Variants in EPM2A observed in about 807,000 individuals in gnomAD.
EPM2A encodes the protein EPM2A glucan phosphatase, laforin, also known as laforin.
Under a neutral mutation model 26.5 loss-of-function variants are expected in EPM2A, and 21 were observed. The observed-to-expected ratio is 0.79, with a 90% CI of 0.56 to 1.14. The LOEUF (loss-of-function observed/expected upper bound fraction) is 1.14. Among genes scored for constraint, EPM2A ranks in the 50% most tolerant of loss-of-function variants. The pLI is 0.00. For synonymous variants in EPM2A, 217 were observed against 177.6 expected (o/e 1.22, Z -1.76); for missense variants, 458 against 440.8 (o/e 1.04, Z -0.35).
At chr6:145,733,508 C>T (rs1335175890) in intron 1 of EPM2A, among the ~76,000 whole-genome samples, 1 of 151,920 alleles carries the variant, frequency 6.6e-6, no homozygotes, top group Non-Finnish European at 1.5e-5. Flanking sequence ...TAAGAAATAG[C>T]AACATAAGCA....
At chr6:145,515,214 T>C (rs1780108735) in intron 2 of EPM2A, among the ~76,000 whole-genome samples, 1 of 152,160 alleles carries the variant, frequency 6.6e-6, no homozygotes, top group Admixed American at 6.5e-5. Context: ...CAACTTATCA[T>C]GACGTCTCTA....
chr6:145,524,451 C>T (rs918824971), intron 2 of EPM2A, among the ~76,000 whole-genome samples: 4 of 151,818 alleles, frequency 2.6e-5, no homozygotes, highest in Non-Finnish European at 4.4e-5. Context: ...CATTTTTCAC[C>T]TTTTTATGAC....
intron 2 of EPM2A, among the ~76,000 whole-genome samples, chr6:145,512,215 C>T (rs981081567): frequency 6.6e-6 from 1 of 152,014 alleles, no homozygotes; most frequent in African/African-American, 2.4e-5. Context: ...TGTCAAATTA[C>T]CAATCTCATT....
chr6:145,621,514 T>C (rs1308413247), downstream of EPM2A, among the ~76,000 whole-genome samples: 3 of 152,234 alleles, frequency 2.0e-5, no homozygotes, highest in Non-Finnish European at 4.4e-5. Flanking sequence ...GAAAACTCCA[T>C]ATTGTTTTCC....
intron 1 of EPM2A, among the ~76,000 whole-genome samples, chr6:145,710,628 C>T (rs1478185861): frequency 6.6e-6 from 1 of 152,090 alleles, no homozygotes; most frequent in Admixed American, 6.6e-5. Context: ...TGGGTATATA[C>T]CCAAAGGATT....
At chr6:145,484,060 T>A (rs1410266600) in intron 4 of EPM2A, among the ~76,000 whole-genome samples, 2 of 152,178 alleles carry the variant, frequency 1.3e-5, no homozygotes, top group Non-Finnish European at 2.9e-5. Flanking sequence ...ATTCAGCTTT[T>A]AGATGAATAG....
At chr6:145,550,915 T>C (rs1443927232) in intron 2 of EPM2A, among the ~76,000 whole-genome samples, 3 of 152,024 alleles carry the variant, frequency 2.0e-5, no homozygotes, top group Admixed American at 6.6e-5. Flanking sequence ...CAGTAGGGTA[T>C]TAGTAGTTTC....
chr6:145,687,615 T>C (rs1321665300), intron 1 of EPM2A, among the ~76,000 whole-genome samples: 2 of 152,170 alleles, frequency 1.3e-5, no homozygotes, highest in Admixed American at 6.5e-5. Flanking sequence ...ATAAATCACA[T>C]TTGTTATGAA....
At chr6:145,622,829 T>C (rs1296930989), downstream of EPM2A, among the ~76,000 whole-genome samples, 1 of 152,230 alleles carries the variant, frequency 6.6e-6, no homozygotes, top group Non-Finnish European at 1.5e-5. Context: ...TCCTAGTCTG[T>C]GGTACATTAT....
At chr6:145,503,458 CAGAG>C (rs1779924499) in intron 2 of EPM2A, among the ~76,000 whole-genome samples, 1 of 110,676 alleles carries the variant, frequency 9.0e-6, no homozygotes, top group Non-Finnish European at 1.8e-5. Context: ...AACAGACAAA[CAGAG>C]AGACAAATCA....
chr6:145,657,328 T>A (rs1778372794), intron 2 of EPM2A, among the ~76,000 whole-genome samples: 1 of 152,074 alleles, frequency 6.6e-6, no homozygotes, highest in South Asian at 2.1e-4. Context: ...GACCTTGTGA[T>A]CCACCCACTT....
intron 2 of EPM2A, chr6:145,502,711 G>A: frequency 3.1e-6 from 1 of 322,398 alleles, no homozygotes; most frequent in Non-Finnish European, 6.4e-6. Context: ...AATATACATA[G>A]TATTTAGCAA....
chr6:145,558,123 A>G (rs1780754412), intron 2 of EPM2A, among the ~76,000 whole-genome samples: 1 of 151,966 alleles, frequency 6.6e-6, no homozygotes, highest in South Asian at 2.1e-4. Flanking sequence ...AAGGCTGAAT[A>G]GTATTCTATT....
chr6:145,558,809 C>G (rs1222954954), intron 2 of EPM2A, among the ~76,000 whole-genome samples: 1 of 151,668 alleles, frequency 6.6e-6, no homozygotes, highest in Non-Finnish European at 1.5e-5. Context: ...TAAAATGGAT[C>G]ATTTTCTAAT....
At chr6:145,656,080 T>C (rs1326209282) in intron 2 of EPM2A, among the ~76,000 whole-genome samples, 1 of 152,224 alleles carries the variant, frequency 6.6e-6, no homozygotes, top group African/African-American at 2.4e-5. Context: ...ACAGAAGTTA[T>C]ATCTTTAGTT....
chr6:145,530,890 C>T (rs1232572692), intron 2 of EPM2A, among the ~76,000 whole-genome samples: 1 of 152,138 alleles, frequency 6.6e-6, no homozygotes, highest in Non-Finnish European at 1.5e-5. Context: ...CTAGTATTGA[C>T]CCACCACTCA....
intron 1 of EPM2A, among the ~76,000 whole-genome samples, chr6:145,688,753 A>C (rs962614019): frequency 6.6e-6 from 1 of 152,238 alleles, no homozygotes; most frequent in African/African-American, 2.4e-5. Flanking sequence ...AGAGAAGGAT[A>C]AACTTACAAA....
At chr6:145,509,491 G>T (rs1780023930) in intron 2 of EPM2A, among the ~76,000 whole-genome samples, 1 of 152,084 alleles carries the variant, frequency 6.6e-6, no homozygotes. Flanking sequence ...ACCAAACTAA[G>T]CTTCATAAAC....
chr6:145,581,700 T>C (rs896172960), intron 2 of EPM2A, among the ~76,000 whole-genome samples: 1 of 152,220 alleles, frequency 6.6e-6, no homozygotes, highest in Non-Finnish European at 1.5e-5. Flanking sequence ...AGTTTCATTC[T>C]GCCTACAACT....
Sources: allele counts gnomAD v4.1 joint callset (sites outside exome capture counted in the v4.1 genomes callset), GRCh38; gene constraint gnomAD v4.1.1; transcripts MANE v1.5; gene names NCBI Gene and HGNC (gene_info 2026-07-23, HGNC 2026-07-21).